IPO5: variants seen among roughly 807,000 people sequenced by gnomAD.
The protein encoded by IPO5 is importin 5, also known as importin-5.
In IPO5, 18 loss-of-function variants were observed where a neutral mutation model predicts 143.3. The ratio of observed to expected loss-of-function variants is 0.13; its 90% confidence interval spans 0.09 to 0.19. The LOEUF (loss-of-function observed/expected upper bound fraction) is 0.19. IPO5 is among the 10% of genes least tolerant of loss of function. IPO5 has a pLI of 1.00. For missense variants in IPO5, 1,013 were observed against 1,336.9 expected, an observed-to-expected ratio of 0.76 and a Z score of 3.78; for synonymous variants, 477 against 465.7, an observed-to-expected ratio of 1.02 and a Z score of -0.31.
At chr13:97,988,247 A>C (rs1484026111) in intron 6 of IPO5, 1 of 154,180 alleles carries the variant, frequency 6.5e-6, no homozygotes, top group Non-Finnish European at 1.4e-5. Context: ...TATTAATAAC[A>C]TCCTCTGGCA....
intron 13 of IPO5, chr13:98,000,920 A>G (rs1888714721): frequency 2.6e-6 from 1 of 391,806 alleles, no homozygotes; most frequent in Non-Finnish European, 4.6e-6. Flanking sequence ...CTCTTCTTTC[A>G]CCCAATATCT....
chr13:97,986,555 G>A (rs1221325659), intron 6 of IPO5, among the ~76,000 whole-genome samples: 1 of 151,912 alleles, frequency 6.6e-6, no homozygotes, highest in African/African-American at 2.4e-5. Flanking sequence ...TCTCCATGTT[G>A]GTCAGGCTGG....
intron 11 of IPO5, among the ~76,000 whole-genome samples, chr13:97,993,533 G>A (rs529022459): frequency 1.5e-4 from 23 of 152,270 alleles, no homozygotes; most frequent in African/African-American, 5.5e-4. Flanking sequence ...ACAATTCAGC[G>A]GGGATATATA....
rs1484683075 is a variant in IPO5, at chr13:97,993,188, T to C, written c.876T>C (p.Ala292=). Residue 292 remains alanine, a synonymous_variant, in exon 11 of 29, where the codon GCT becomes GCC. Transcript: ENST00000651721. Reference sequence around the variant, plus strand: ...TCACCCTCTCTGAGACTGCAGCTGCTATGTTAAGAAAACATACCAATATTG... The same window carrying C: ...TCACCCTCTCTGAGACTGCAGCTGCCATGTTAAGAAAACATACCAATATTG... The part of the protein sequence containing the change: ...VIVTLSETAA[A]MLRKHTNIVA... 2 of 1,613,774 alleles carry C rather than the reference T, an allele frequency of 1.2e-6. No individual in the cohort carries two copies. The highest frequency in any genetic ancestry group is 8.5e-7 in the Non-Finnish European group (1 of 1,179,774).
At chr13:97,988,802 C>A (rs1488187251) in intron 6 of IPO5, among the ~76,000 whole-genome samples, 1 of 151,828 alleles carries the variant, frequency 6.6e-6, no homozygotes, top group Non-Finnish European at 1.5e-5. Flanking sequence ...AAAGAAGAAC[C>A]TCTGTTAATA....
intron 25 of IPO5, among the ~76,000 whole-genome samples, chr13:98,017,989 A>G (rs1890240209): frequency 2.6e-5 from 4 of 152,130 alleles, no homozygotes; most frequent in Admixed American, 6.6e-5. Flanking sequence ...TTTAAAAAAT[A>G]TATTATAAAT....
At position 98,006,138 on chromosome 13, in the gene IPO5, G is replaced by T. The variant is rs770247583; in HGVS notation, c.1506G>T (p.Gln502His). 2 of 1,611,528 alleles carry T rather than the reference G, an allele frequency of 1.2e-6. No homozygotes were observed. The highest frequency in any genetic ancestry group is 8.5e-7 in the Non-Finnish European group (1 of 1,177,906). Residue 502 changes from glutamine to histidine, a missense_variant, in exon 17 of 29, where the codon CAG becomes CAT. Coordinates refer to ENST00000651721, the MANE Select transcript of IPO5 (RefSeq NM_002271.6). ...TTGTGTCTTCCTTCTAGCTGATTCA[G>T]AAAGGCACCAAGTTAGTTTTGGAAC... ...IMVLKLQELI[Q>H]KGTKLVLEQV... is the part of the protein sequence containing the mutation.
intron 25 of IPO5, among the ~76,000 whole-genome samples, chr13:98,017,851 T>C (rs374813063): frequency 3.0e-4 from 46 of 152,076 alleles, no homozygotes; most frequent in African/African-American, 9.9e-4. Context: ...GGGTTTTTAG[T>C]AGAGATGGGG....
At chr13:97,969,153 G>GTATATATATATA (rs1210544640) in intron 2 of IPO5, among the ~76,000 whole-genome samples, 898 of 63,330 alleles carry the variant, frequency 0.014, 39 homozygotes, top group Non-Finnish European at 0.021. Context: ...TTTCTGCTAA[G>GTATATATATATA]TATATATATA....
chr13:97,994,124 T>C (rs907046039), intron 11 of IPO5, among the ~76,000 whole-genome samples: 1 of 152,244 alleles, frequency 6.6e-6, no homozygotes, highest in South Asian at 2.1e-4. Context: ...CTGGCTAACA[T>C]GCTAAAACCC....
chr13:97,973,770 G>T (rs544542473), intron 3 of IPO5, among the ~76,000 whole-genome samples: 1 of 152,112 alleles, frequency 6.6e-6, no homozygotes, highest in African/African-American at 2.4e-5. Flanking sequence ...GCTTTGCCTC[G>T]TTAAAAAACA....
Position 98,019,821 on chromosome 13 carries a change from G to T in IPO5, c.3065+12G>T. On this transcript the variant is annotated intron_variant, in intron 27 of 28. Coordinates refer to ENST00000651721, the MANE Select transcript of IPO5 (RefSeq NM_002271.6). ...GACCTGATTGAAAGGTAGGAAAGCA[G>T]ACTGTGACCTTATTTCCTTCTCCTC... is the stretch of plus-strand genomic sequence containing the variant. The T allele has an allele frequency of 1.9e-6, 3 of 1,552,444 alleles. No individual in the cohort carries two copies. The South Asian group carries it at 3.3e-5, about 17-fold the overall frequency.
In IPO5 at chr13:98,008,040, T is replaced by C. The variant is rs753267556; in HGVS notation, c.1717-19T>C. On this transcript the variant is annotated intron_variant, in intron 17 of 28. Transcript: ENST00000651721. Reference sequence around the variant, plus strand: ...AAAATTCGGTATCAACAAGTGTGTCTCTACATATTTTCCTCTAGTTCATGC... The same window carrying C: ...AAAATTCGGTATCAACAAGTGTGTCCCTACATATTTTCCTCTAGTTCATGC... 1.3e-6 allele frequency: 2 copies of C among 1,532,002 alleles called. No homozygotes were observed. Among genetic ancestry groups the C allele is most frequent in the East Asian group, 2.3e-5 (1 of 44,408 alleles). 94.9% of individuals were successfully genotyped at this position (1,532,002 alleles called of 1,614,324 possible).
intron 7 of IPO5, 52 bp from the exon 8 acceptor site, chr13:97,990,074 C>T: frequency 9.2e-7 from 1 of 1,081,508 alleles, no homozygotes. Context: ...TCATACTTTA[C>T]CAAGATATTA....
chr13:98,012,471 A>T, intron 21 of IPO5, 129 bp downstream of exon 21: 1 of 644,314 alleles, frequency 1.6e-6, no homozygotes, highest in Non-Finnish European at 2.8e-6. Context: ...GTGTACTCTT[A>T]GGTGATAAAC....
At chr13:97,991,085 G>A (rs1394977981) in intron 9 of IPO5, among the ~76,000 whole-genome samples, 1 of 152,082 alleles carries the variant, frequency 6.6e-6, no homozygotes, top group East Asian at 1.9e-4. Flanking sequence ...AAATTTAAAA[G>A]ATTGGACAAG....
At chr13:98,021,336 AT>A in intron 28 of IPO5, 1 of 415,342 alleles carries the variant, frequency 2.4e-6, no homozygotes. Flanking sequence ...TAAAACCTTC[AT>A]CTTAGGACAT....
chr13:97,994,139 T>C (rs1888040431), intron 11 of IPO5, among the ~76,000 whole-genome samples: 1 of 152,100 alleles, frequency 6.6e-6, no homozygotes, highest in South Asian at 2.1e-4. Context: ...AAACCCCGTT[T>C]CTACTAAAAA....
chr13:97,969,954 C>T, intron 3 of IPO5, 124 bp downstream of exon 3: 2 of 698,814 alleles, frequency 2.9e-6, no homozygotes, highest in Non-Finnish European at 5.0e-6. Context: ...CCACCTCAGC[C>T]TCCCAAAGTG....
Sources: gnomAD v4.1 joint callset for allele counts (sites outside exome capture counted in the v4.1 genomes callset) on GRCh38, gnomAD v4.1.1 for gene constraint, MANE v1.5 for transcripts, NCBI Gene and HGNC (gene_info 2026-07-23, HGNC 2026-07-21) for gene names.